GOLIM4: variants seen among roughly 807,000 people sequenced by gnomAD.
GOLIM4 encodes the protein golgi integral membrane protein 4.
In GOLIM4, 71 loss-of-function variants were observed where a neutral mutation model predicts 107.4. The observed-to-expected ratio is 0.66, with a 90% CI of 0.55 to 0.81. The LOEUF (loss-of-function observed/expected upper bound fraction) is 0.81, where lower values mean the gene tolerates loss of function less well. Among genes scored for constraint, GOLIM4 ranks in the 30% least tolerant of loss-of-function variants. The pLI is 0.00. For missense variants in GOLIM4, 830 were observed against 826.1 expected (o/e 1.00, Z -0.06); for synonymous variants, 327 against 294.8 (o/e 1.11, Z -1.12).
intron 1 of GOLIM4, among the ~76,000 whole-genome samples, chr3:168,081,425 G>C (rs140661067): frequency 7.1e-4 from 108 of 152,306 alleles, no homozygotes; most frequent in African/African-American, 2.3e-3. Flanking sequence ...GTAAGGGGTA[G>C]CAGATGGACT....
chr3:168,040,034 T>C (rs1718894901), intron 7 of GOLIM4, among the ~76,000 whole-genome samples: 1 of 152,228 alleles, frequency 6.6e-6, no homozygotes, highest in African/African-American at 2.4e-5. Flanking sequence ...ATAGATCGTT[T>C]ACCTTTGTTC....
rs574722788 is a variant in GOLIM4 at position 168,033,037 on chromosome 3, A to G, written c.844-185T>C. On this transcript the variant is annotated intron_variant, in intron 8 of 15. Coordinates refer to ENST00000470487, the MANE Select transcript of GOLIM4 (RefSeq NM_014498.5). ...TTTCTTACTGTGTAATCTCACTTATAAAATAGACATAATATAAGCAAAACT... is the reference window on the plus strand; with the variant it reads ...TTTCTTACTGTGTAATCTCACTTATGAAATAGACATAATATAAGCAAAACT... Among the ~76,000 whole-genome samples, 4 of 152,284 alleles carry G rather than the reference A, an allele frequency of 2.6e-5. No individual in the cohort carries two copies. The East Asian group carries it at 7.7e-4, about 29-fold the overall frequency.
At chr3:168,084,064 G>GT (rs1192910029) in intron 1 of GOLIM4, among the ~76,000 whole-genome samples, 1 of 152,164 alleles carries the variant, frequency 6.6e-6, no homozygotes, top group African/African-American at 2.4e-5. Context: ...GAGAGGCCTG[G>GT]TGGGAGGTGA....
chr3:168,045,477 A>C (rs760638820), intron 3 of GOLIM4, among the ~76,000 whole-genome samples: 2 of 152,170 alleles, frequency 1.3e-5, no homozygotes, highest in Non-Finnish European at 2.9e-5. Context: ...GCCAGGATTG[A>C]AACTTGAGCC....
intron 1 of GOLIM4, among the ~76,000 whole-genome samples, chr3:168,052,406 TCACA>T (rs1028185622): frequency 1.3e-5 from 2 of 151,468 alleles, no homozygotes; most frequent in Non-Finnish European, 2.9e-5. Context: ...ACACTCTCTC[TCACA>T]CACACAGATG....
chr3:168,076,350 T>A (rs559196731), intron 1 of GOLIM4, among the ~76,000 whole-genome samples: 1 of 152,308 alleles, frequency 6.6e-6, no homozygotes, highest in Admixed American at 6.5e-5. Flanking sequence ...CTGTTTTTTG[T>A]TTGTTTGTTT....
chr3:168,038,780 ATGTT>A (rs1437798798), intron 7 of GOLIM4, among the ~76,000 whole-genome samples: 6 of 152,218 alleles, frequency 3.9e-5, no homozygotes, highest in African/African-American at 7.2e-5. Flanking sequence ...TACAGACTGA[ATGTT>A]TGTGTCCTCT....
intron 15 of GOLIM4, 148 bp downstream of exon 15, chr3:168,010,595 C>A: frequency 1.3e-6 from 1 of 776,572 alleles, no homozygotes. Flanking sequence ...ACAACTTTTC[C>A]TAATTTCAGG....
At chr3:168,059,462 A>T (rs1178661635) in intron 1 of GOLIM4, among the ~76,000 whole-genome samples, 1 of 152,218 alleles carries the variant, frequency 6.6e-6, no homozygotes, top group African/African-American at 2.4e-5. Flanking sequence ...TTGTAAAAAG[A>T]TGCTATTTAA....
At chr3:168,010,871 C>T in intron 14 of GOLIM4, 48 bp from the exon 15 acceptor site, 2 of 1,213,800 alleles carry the variant, frequency 1.6e-6, no homozygotes, top group Non-Finnish European at 2.4e-6. Context: ...CTTTCAAGCA[C>T]TTGCGATAAT....
chr3:168,064,067 A>C (rs1230049566), intron 1 of GOLIM4, among the ~76,000 whole-genome samples: 2 of 152,176 alleles, frequency 1.3e-5, no homozygotes, highest in African/African-American at 4.8e-5. Flanking sequence ...CAAGATGGTA[A>C]AGGTGAGATT....
intron 14 of GOLIM4, among the ~76,000 whole-genome samples, chr3:168,022,798 T>C (rs1429881163): frequency 2.0e-5 from 3 of 152,158 alleles, no homozygotes; most frequent in African/African-American, 7.2e-5. Context: ...GCCTGAACAC[T>C]GCTTTAAGAA....
chr3:168,074,085 G>GT (rs1353026814), intron 1 of GOLIM4, among the ~76,000 whole-genome samples: 2 of 152,180 alleles, frequency 1.3e-5, no homozygotes, highest in Admixed American at 1.3e-4. Flanking sequence ...ATGAGGACAT[G>GT]TAGGCAACCC....
intron 8 of GOLIM4, among the ~76,000 whole-genome samples, chr3:168,034,081 T>C (rs1171499095): frequency 1.3e-5 from 2 of 152,216 alleles, no homozygotes; most frequent in Non-Finnish European, 2.9e-5. Context: ...ATCTGAGAAA[T>C]TGGACTGTAT....
At chr3:168,075,021 AAGG>A (rs1037293079) in intron 1 of GOLIM4, among the ~76,000 whole-genome samples, 4 of 152,182 alleles carry the variant, frequency 2.6e-5, no homozygotes, top group African/African-American at 9.7e-5. Context: ...GGAGCCTAGA[AAGG>A]AGGACTTTTA....
intron 1 of GOLIM4, among the ~76,000 whole-genome samples, chr3:168,049,230 G>GC (rs1361604994): frequency 8.5e-5 from 13 of 152,128 alleles, no homozygotes; most frequent in Non-Finnish European, 1.6e-4. Context: ...CACACCTACA[G>GC]CAAGCAGAAG....
chr3:168,064,602 AT>A (rs202087898), intron 1 of GOLIM4, among the ~76,000 whole-genome samples: 7,948 of 144,402 alleles, frequency 0.055, 610 homozygotes, highest in African/African-American at 0.18. Flanking sequence ...ATACTTGGGG[AT>A]TTTTTTTTTT....
intron 7 of GOLIM4, among the ~76,000 whole-genome samples, chr3:168,038,215 C>G (rs1191695131): frequency 6.6e-6 from 1 of 152,082 alleles, no homozygotes; most frequent in East Asian, 1.9e-4. Flanking sequence ...ATTTGCAAAC[C>G]AACTTTGGAG....
intron 1 of GOLIM4, among the ~76,000 whole-genome samples, chr3:168,056,558 C>G (rs964513229): frequency 5.3e-5 from 8 of 152,218 alleles, no homozygotes; most frequent in African/African-American, 1.9e-4. Flanking sequence ...GGGAGGGAGG[C>G]TGTACCCTGC....
Sources: allele counts gnomAD v4.1 joint callset (sites outside exome capture counted in the v4.1 genomes callset), GRCh38; gene constraint gnomAD v4.1.1; transcripts MANE v1.5; gene names NCBI Gene and HGNC (gene_info 2026-07-23, HGNC 2026-07-21).